The following MAGI1 variants were observed in gnomAD, a reference collection of about 807,000 sequenced individuals.
The protein encoded by MAGI1 is membrane-associated guanylate kinase, WW and PDZ domain-containing protein 1.
MAGI1 carries 58 observed loss-of-function variants against 139.9 expected under a neutral mutation model. The ratio of observed to expected loss-of-function variants is 0.41; its 90% CI spans 0.34 to 0.52. The LOEUF (loss-of-function observed/expected upper bound fraction) is 0.52, where lower values mean the gene tolerates loss of function less well. Among genes scored for constraint, MAGI1 ranks in the 20% least tolerant of loss-of-function variants. The probability of loss-of-function intolerance (pLI) is 0.12; values close to 1 mark genes in which losing one functional copy is unlikely to be tolerated. For synonymous variants in MAGI1, 812 were observed against 737.9 expected (o/e 1.10, Z -1.63); for missense variants, 1,874 against 1,901.6 (o/e 0.99, Z 0.27).
chr3:65,797,837 A>G, intron 1 of MAGI1, among the ~76,000 whole-genome samples: 1 of 152,222 alleles, frequency 6.6e-6, no homozygotes, highest in Non-Finnish European at 1.5e-5. Flanking sequence ...TCTAGTGGAG[A>G]TTATTCAATG....
At chr3:65,995,695 TC>T (rs548458018) in intron 1 of MAGI1, among the ~76,000 whole-genome samples, 198 of 152,312 alleles carry the variant, frequency 1.3e-3, no homozygotes, top group African/African-American at 4.6e-3. Context: ...CATAATCTCT[TC>T]CAGCTGAGCA....
At chr3:65,962,711 G>T (rs1287412888) in intron 1 of MAGI1, among the ~76,000 whole-genome samples, 2 of 151,324 alleles carry the variant, frequency 1.3e-5, no homozygotes, top group Non-Finnish European at 2.9e-5. Flanking sequence ...TGTAATCCCA[G>T]CTACTCAGGA....
At chr3:65,607,971 C>T (rs1050211093) in intron 2 of MAGI1, among the ~76,000 whole-genome samples, 2 of 152,216 alleles carry the variant, frequency 1.3e-5, no homozygotes, top group African/African-American at 2.4e-5. Flanking sequence ...TTTAATACTA[C>T]TTAATCCTCG....
chr3:65,475,438 T>G lies in MAGI1; in HGVS notation c.757+3154A>C, dbSNP rs141364968. The stretch of plus-strand genomic sequence containing the variant: ...CATGTTGGCCAGGCTGGTCTTGAAC[T>G]CCTGACCTCAGGTGATCTGCCCGCC... On this transcript the variant is annotated intron_variant, in intron 4 of 22. Coordinates refer to ENST00000402939, the MANE Select transcript of MAGI1 (RefSeq NM_001033057.2). Among the ~76,000 whole-genome samples the G allele has an allele frequency of 4.9e-3, 747 of 152,286 alleles. 6 individuals carry two copies. The highest frequency in any genetic ancestry group is 0.017 in the African/African-American group (717 of 41,564).
chr3:65,934,618 G>A (rs1022282007), intron 1 of MAGI1, among the ~76,000 whole-genome samples: 4 of 151,602 alleles, frequency 2.6e-5, no homozygotes, highest in South Asian at 2.1e-4. Context: ...TTATAAAACC[G>A]AGTCCCTCTT....
chr3:65,447,851 G>A (rs983478758), intron 7 of MAGI1, among the ~76,000 whole-genome samples, 171 bp downstream of exon 7: 8 of 152,188 alleles, frequency 5.3e-5, no homozygotes, highest in Admixed American at 3.9e-4. Context: ...GATGCCTGCA[G>A]GCAGACACGC....
chr3:66,015,473 C>G (rs1454483484), intron 1 of MAGI1, among the ~76,000 whole-genome samples: 1 of 151,880 alleles, frequency 6.6e-6, no homozygotes, highest in East Asian at 1.9e-4. Context: ...AAAAAAAAAT[C>G]TTAACTCCTC....
chr3:65,753,601 A>G (rs1229965650), intron 1 of MAGI1, among the ~76,000 whole-genome samples: 1 of 151,752 alleles, frequency 6.6e-6, no homozygotes, highest in Non-Finnish European at 1.5e-5. Flanking sequence ...CATGCCTGTA[A>G]TCCCAGCTAC....
chr3:65,827,176 G>A (rs887627743), intron 1 of MAGI1, among the ~76,000 whole-genome samples: 7 of 152,220 alleles, frequency 4.6e-5, no homozygotes, highest in Admixed American at 3.3e-4. Context: ...CAACTATCTG[G>A]GTAGCTCTCC....
intron 1 of MAGI1, among the ~76,000 whole-genome samples, chr3:65,846,976 CAA>C (rs58391331): frequency 3.5e-4 from 28 of 80,968 alleles, no homozygotes; most frequent in African/African-American, 1.1e-3. Flanking sequence ...CAATGTCTTA[CAA>C]AAAAAAAAAA....
At chr3:65,467,673 T>A (rs928283197) in intron 5 of MAGI1, among the ~76,000 whole-genome samples, 6 of 152,196 alleles carry the variant, frequency 3.9e-5, no homozygotes, top group African/African-American at 1.4e-4. Flanking sequence ...CTGCTAACCA[T>A]CAAGATATCC....
intron 1 of MAGI1, among the ~76,000 whole-genome samples, chr3:65,731,454 A>G (rs983905006): frequency 2.6e-5 from 4 of 151,106 alleles, no homozygotes; most frequent in Non-Finnish European, 4.4e-5. Context: ...GAAGTTCAAG[A>G]CCAGCCTGGG....
chr3:65,677,705 C>A (rs894422063), intron 1 of MAGI1, among the ~76,000 whole-genome samples: 15 of 152,200 alleles, frequency 9.9e-5, no homozygotes, highest in African/African-American at 3.6e-4. Flanking sequence ...CACTTTCTCC[C>A]ACTCTTTCGT....
chr3:65,934,260 CA>C (rs199506728), intron 1 of MAGI1, among the ~76,000 whole-genome samples: 3 of 124,010 alleles, frequency 2.4e-5, no homozygotes, highest in South Asian at 6.7e-4. Context: ...TATATTTTAC[CA>C]TTTTTTTTTT....
chr3:65,613,378 T>C (rs1480037328), intron 2 of MAGI1, among the ~76,000 whole-genome samples: 1 of 152,180 alleles, frequency 6.6e-6, no homozygotes, highest in Non-Finnish European at 1.5e-5. Context: ...TGATCTAACA[T>C]GTTTTCACAA....
chr3:65,459,726 C>T (rs1014228665), intron 5 of MAGI1, among the ~76,000 whole-genome samples: 3 of 152,010 alleles, frequency 2.0e-5, no homozygotes, highest in Non-Finnish European at 2.9e-5. Flanking sequence ...AGTTGGAGAC[C>T]AGCCTGGGCA....
At chr3:65,868,488 A>G (rs1416517254) in intron 1 of MAGI1, among the ~76,000 whole-genome samples, 1 of 152,158 alleles carries the variant, frequency 6.6e-6, no homozygotes, top group Non-Finnish European at 1.5e-5. Flanking sequence ...ATAACCTTCT[A>G]GACAGACTCC....
At chr3:65,784,248 C>T (rs35118308) in intron 1 of MAGI1, among the ~76,000 whole-genome samples, 40,440 of 152,094 alleles carry the variant, frequency 0.27, 5,645 homozygotes, top group South Asian at 0.41. Flanking sequence ...CTTCAAAAAG[C>T]TAAACATGGA....
chr3:65,391,106 G>A (rs1943893833), intron 14 of MAGI1, 36 bp downstream of exon 14: 3 of 1,548,056 alleles, frequency 1.9e-6, no homozygotes, highest in South Asian at 1.1e-5. Flanking sequence ...CCCTGCGGAG[G>A]GGTCAGGGTA....
Sources: gnomAD v4.1 joint callset for allele counts (sites outside exome capture counted in the v4.1 genomes callset) on GRCh38, gnomAD v4.1.1 for gene constraint, MANE v1.5 for transcripts, NCBI Gene and HGNC (gene_info 2026-07-23, HGNC 2026-07-21) for gene names.